The following PRELID2 variants were observed in gnomAD, a reference collection of about 807,000 sequenced individuals.
The protein encoded by PRELID2 is PRELI domain-containing protein 2.
Under a neutral mutation model 28.4 loss-of-function variants are expected in PRELID2, and 25 were observed. The ratio of observed to expected loss-of-function variants is 0.88; its 90% CI spans 0.64 to 1.23. PRELID2 has a LOEUF of 1.23. PRELID2 is among the 50% of genes most tolerant of loss of function. The probability of loss-of-function intolerance (pLI) is 0.00; values close to 1 mark genes in which losing one functional copy is unlikely to be tolerated. For missense variants in PRELID2, 201 were observed against 214.4 expected (o/e 0.94, Z 0.39); for synonymous variants, 76 against 71.6 (o/e 1.06, Z -0.31).
At chr5:145,282,699 A>G in the PRELID2 span, among the ~76,000 whole-genome samples, 1 of 151,864 alleles carries the variant, frequency 6.6e-6, no homozygotes, top group Non-Finnish European at 1.5e-5. Context: ...TTTGTATTTT[A>G]GTAGAGACAG....
chr5:145,378,999 CT>C, the PRELID2 span, among the ~76,000 whole-genome samples: 1 of 151,670 alleles, frequency 6.6e-6, no homozygotes, highest in African/African-American at 2.4e-5. Flanking sequence ...GATTATTTTT[CT>C]TTTTTTTCTA....
At chr5:145,460,054 C>T in the PRELID2 span, among the ~76,000 whole-genome samples, 1,182 of 152,252 alleles carry the variant, frequency 7.8e-3, 18 homozygotes, top group African/African-American at 0.027. Flanking sequence ...CGTGATCCTC[C>T]TGCCTCGGCC....
At chr5:145,323,103 G>C in the PRELID2 span, among the ~76,000 whole-genome samples, 1 of 152,066 alleles carries the variant, frequency 6.6e-6, no homozygotes, top group Non-Finnish European at 1.5e-5. Flanking sequence ...TCTTTAGATT[G>C]GTTCCCAGGG....
chr5:145,710,638 T>A (rs1257408667), intron 1 of PRELID2, among the ~76,000 whole-genome samples: 1 of 152,164 alleles, frequency 6.6e-6, no homozygotes, highest in South Asian at 2.1e-4. Flanking sequence ...ATAGCATAAG[T>A]GTCCATGATG....
chr5:145,572,753 A>G (rs1274688265), intron 1 of PRELID2, among the ~76,000 whole-genome samples: 1 of 152,176 alleles, frequency 6.6e-6, no homozygotes, highest in Non-Finnish European at 1.5e-5. Flanking sequence ...GTGTATACAC[A>G]TTAGTGCTGG....
At chr5:145,428,423 A>G in the PRELID2 span, among the ~76,000 whole-genome samples, 5 of 152,224 alleles carry the variant, frequency 3.3e-5, no homozygotes, top group East Asian at 9.7e-4. Context: ...GAGATATTCA[A>G]GTAGAAAAAA....
chr5:145,484,895 TTGTC>T (rs1359349659), intron 1 of PRELID2, among the ~76,000 whole-genome samples: 2 of 152,182 alleles, frequency 1.3e-5, no homozygotes, highest in African/African-American at 2.4e-5. Context: ...GTTCAGGACT[TTGTC>T]TGAGATACAA....
intron 1 of PRELID2, among the ~76,000 whole-genome samples, chr5:145,741,469 A>G (rs1350227959): frequency 1.2e-3 from 37 of 32,078 alleles, no homozygotes; most frequent in African/African-American, 3.2e-3. Flanking sequence ...TTTATATATA[A>G]ACAAAATTTA....
In PRELID2 at chr5:145,530,293, G is replaced by A. The variant is rs572234596; in HGVS notation, n.71-56978C>T. 1.2e-4 allele frequency among the ~76,000 whole-genome samples: 18 copies of A among 152,198 alleles called. No homozygotes were observed. The South Asian group carries it at 3.7e-3, about 32-fold the overall frequency. On this transcript the variant is annotated intron_variant and non_coding_transcript_variant, in intron 1 of 2. Transcript: ENST00000510259. ...AGTTGATAGTGATTGCTCACGGTGAGAAAAATACAACTTTTGACCTTATGA... is the reference window on the plus strand; with the variant it reads ...AGTTGATAGTGATTGCTCACGGTGAAAAAAATACAACTTTTGACCTTATGA...
At chr5:145,457,744 T>A in the PRELID2 span, among the ~76,000 whole-genome samples, 2,250 of 152,262 alleles carry the variant, frequency 0.015, 129 homozygotes, top group East Asian at 0.12. Flanking sequence ...TATAAATTCA[T>A]AAAGGCTCAG....
intron 1 of PRELID2, among the ~76,000 whole-genome samples, chr5:145,643,875 G>A (rs1457081614): frequency 6.6e-6 from 1 of 152,122 alleles, no homozygotes; most frequent in Non-Finnish European, 1.5e-5. Context: ...ATTTGATCAT[G>A]GTGGATAAGC....
the PRELID2 span, among the ~76,000 whole-genome samples, chr5:145,237,079 C>G: frequency 1.3e-5 from 2 of 152,246 alleles, no homozygotes; most frequent in South Asian, 4.1e-4. Flanking sequence ...TCTGCCAACC[C>G]TCTTGTTCTT....
the PRELID2 span, among the ~76,000 whole-genome samples, chr5:145,276,336 T>A: frequency 6.6e-6 from 1 of 152,172 alleles, no homozygotes; most frequent in Non-Finnish European, 1.5e-5. Context: ...TGTTCTCTCT[T>A]TCTAGCAGTT....
At chr5:145,327,656 A>T in the PRELID2 span, among the ~76,000 whole-genome samples, 5 of 151,434 alleles carry the variant, frequency 3.3e-5, no homozygotes, top group Admixed American at 2.6e-4. Flanking sequence ...TTGTTTTCTG[A>T]TTGTTTTATA....
At chr5:145,417,544 C>G in the PRELID2 span, among the ~76,000 whole-genome samples, 2 of 152,138 alleles carry the variant, frequency 1.3e-5, no homozygotes, top group Non-Finnish European at 2.9e-5. Context: ...AAAAGCTTAT[C>G]CACCATGATC....
chr5:145,454,072 C>T, the PRELID2 span, among the ~76,000 whole-genome samples: 22 of 152,152 alleles, frequency 1.4e-4, no homozygotes, highest in African/African-American at 5.1e-4. Context: ...CTAATGTACA[C>T]TCTGACCAAC....
chr5:145,283,175 G>A, the PRELID2 span, among the ~76,000 whole-genome samples: 2 of 152,160 alleles, frequency 1.3e-5, no homozygotes, highest in African/African-American at 2.4e-5. Flanking sequence ...TCTCCAGACA[G>A]AGCAATGCAC....
chr5:145,637,958 G>A (rs779270617), intron 1 of PRELID2, among the ~76,000 whole-genome samples: 17 of 151,896 alleles, frequency 1.1e-4, no homozygotes, highest in East Asian at 1.9e-4. Flanking sequence ...TTACAGGCGC[G>A]CACCACCACA....
chr5:145,688,067 A>G (rs1319680968), intron 1 of PRELID2, among the ~76,000 whole-genome samples: 1 of 152,202 alleles, frequency 6.6e-6, no homozygotes, highest in East Asian at 1.9e-4. Flanking sequence ...CATATATGCA[A>G]GGGCTTGACA....
Sources: gnomAD v4.1 joint callset for allele counts (sites outside exome capture counted in the v4.1 genomes callset) on GRCh38, gnomAD v4.1.1 for gene constraint, MANE v1.5 for transcripts, NCBI Gene and HGNC (gene_info 2026-07-23, HGNC 2026-07-21) for gene names.